The following STXBP4 variants were observed in gnomAD, a reference collection of about 807,000 sequenced individuals.
The protein encoded by STXBP4 is syntaxin binding protein 4.
STXBP4 carries 55 observed loss-of-function variants against 76.1 expected under a neutral mutation model. The ratio of observed to expected loss-of-function variants is 0.72; its 90% confidence interval spans 0.58 to 0.91. The LOEUF (loss-of-function observed/expected upper bound fraction) is 0.91. STXBP4 is among the 40% of genes least tolerant of loss of function. STXBP4 has a pLI of 0.00. For synonymous variants in STXBP4, 201 were observed against 220.2 expected, an observed-to-expected ratio of 0.91 and a Z score of 0.77; for missense variants, 618 against 636.9, an observed-to-expected ratio of 0.97 and a Z score of 0.32.
intron 13 of STXBP4, 124 bp from the exon 14 acceptor site, chr17:55,077,954 A>G (rs1382257160): frequency 6.5e-6 from 4 of 615,842 alleles, no homozygotes; most frequent in Non-Finnish European, 5.6e-6. Context: ...ATCAAAACAT[A>G]TGTACAGTAA....
chr17:55,014,934 T>C (rs1724060130), intron 8 of STXBP4, among the ~76,000 whole-genome samples: 1 of 152,042 alleles, frequency 6.6e-6, no homozygotes, highest in South Asian at 2.1e-4. Flanking sequence ...TTGTCCCGTT[T>C]GTCCCGTTCT....
At chr17:55,193,851 A>AG in the STXBP4 span, among the ~76,000 whole-genome samples, 1 of 151,194 alleles carries the variant, frequency 6.6e-6, no homozygotes, top group South Asian at 2.1e-4. Flanking sequence ...TAATTCCTAC[A>AG]GCAAGGTGTC....
intron 1 of STXBP4, among the ~76,000 whole-genome samples, chr17:54,973,568 A>T (rs530519102): frequency 6.6e-6 from 1 of 152,360 alleles, no homozygotes; most frequent in African/African-American, 2.4e-5. Flanking sequence ...CATAGATACA[A>T]TAACAATACA....
chr17:55,116,354 A>G (rs1033138757), intron 16 of STXBP4, among the ~76,000 whole-genome samples: 2 of 151,818 alleles, frequency 1.3e-5, no homozygotes, highest in African/African-American at 4.8e-5. Flanking sequence ...TCACATTCAG[A>G]AAACTACAAA....
intron 16 of STXBP4, among the ~76,000 whole-genome samples, chr17:55,123,106 A>G (rs1227080035): frequency 6.6e-6 from 1 of 152,166 alleles, no homozygotes; most frequent in African/African-American, 2.4e-5. Context: ...GTATGCTCAA[A>G]TTTTAATCTC....
chr17:55,144,005 GCA>G (rs61300425), intron 17 of STXBP4, among the ~76,000 whole-genome samples: 12,115 of 138,588 alleles, frequency 0.087, 475 homozygotes, highest in Non-Finnish European at 0.096. Flanking sequence ...AAAGCCACCT[GCA>G]CACACACACA....
At chr17:55,009,822 C>T (rs984077069) in intron 8 of STXBP4, among the ~76,000 whole-genome samples, 7 of 151,896 alleles carry the variant, frequency 4.6e-5, no homozygotes, top group African/African-American at 1.7e-4. Flanking sequence ...TCTTGAGCTA[C>T]TCTTCTTGTT....
intron 12 of STXBP4, among the ~76,000 whole-genome samples, chr17:55,070,691 GA>G (rs1437858533): frequency 6.6e-6 from 1 of 151,794 alleles, no homozygotes; most frequent in Non-Finnish European, 1.5e-5. Context: ...ATTTCTACCA[GA>G]GCCTGACTCC....
chr17:55,017,726 G>T (rs1392128340), intron 8 of STXBP4, among the ~76,000 whole-genome samples: 2 of 152,110 alleles, frequency 1.3e-5, no homozygotes, highest in African/African-American at 4.8e-5. Context: ...ACTCTAGTCG[G>T]CCCTTGGCTT....
chr17:55,092,193 C>T (rs1180614740), intron 16 of STXBP4, among the ~76,000 whole-genome samples: 1 of 152,160 alleles, frequency 6.6e-6, no homozygotes, highest in Non-Finnish European at 1.5e-5. Context: ...TAAAAGACTA[C>T]ACATTGGGTG....
rs2077877285 is a variant in STXBP4 at position 54,999,750 on chromosome 17, A to G, written c.406A>G (p.Thr136Ala). ...ASGEYGPQAS[T>A]LSLFSSPPEI... is the part of the protein sequence containing the mutation. ...AGGAGAATATGGACCTCAAGCCTCAACATTAAGTCTTTTTTCTTCTCCTCC... is the reference window on the plus strand; with the variant it reads ...AGGAGAATATGGACCTCAAGCCTCAGCATTAAGTCTTTTTTCTTCTCCTCC... The change falls in exon 6 of 18, where the codon ACA becomes GCA. Residue 136 changes from threonine to alanine, a missense_variant. Physicochemically the swap from Thr to Ala is moderately conservative, Grantham distance 58 (BLOSUM62 0). Coordinates refer to ENST00000376352, the MANE Select transcript of STXBP4 (RefSeq NM_178509.6). 6.2e-7 allele frequency: 1 copy of G among 1,613,706 alleles called. No individual in the cohort carries two copies. Among genetic ancestry groups the G allele is most frequent in the Non-Finnish European group, 8.5e-7 (1 of 1,179,770 alleles).
Position 55,135,481 on chromosome 17 carries a change from T to C in STXBP4, c.1490-5829T>C, listed in dbSNP as rs376225765. On this transcript the variant is annotated intron_variant, in intron 16 of 17. Transcript: ENST00000376352. Reference sequence around the variant, plus strand: ...TTTTTGCAAGACCAATATTAAGGAGTGTTTAAATCACAATTCAGAAAATAT... The same window carrying C: ...TTTTTGCAAGACCAATATTAAGGAGCGTTTAAATCACAATTCAGAAAATAT... Among the ~76,000 whole-genome samples the C allele has an allele frequency of 2.6e-5, 4 of 151,978 alleles. No homozygotes were observed. In the East Asian group the frequency reaches 5.8e-4, roughly 22 times the overall value.
intron 16 of STXBP4, among the ~76,000 whole-genome samples, chr17:55,091,835 A>C (rs577865321): frequency 1.3e-5 from 2 of 152,354 alleles, no homozygotes; most frequent in African/African-American, 4.8e-5. Flanking sequence ...GTTCACGCAC[A>C]GAATTGTTAC....
Position 55,041,235 on chromosome 17 carries a change from T to G in STXBP4, c.856-2001T>G, listed in dbSNP as rs532171436. On this transcript the variant is annotated intron_variant, in intron 10 of 17. Transcript: ENST00000376352. ...TCTAAAATTTTATTTAAACTTTTTT[T>G]TTTTTTTTTTTTTTGAGACATGGTC... Among the ~76,000 whole-genome samples the G allele has an allele frequency of 2.6e-3, 395 of 149,366 alleles. 7 individuals carry two copies. In the South Asian group the frequency reaches 0.045, roughly 17 times the overall value.
chr17:55,108,347 G>A (rs148989877), intron 16 of STXBP4, among the ~76,000 whole-genome samples: 3,280 of 152,248 alleles, frequency 0.022, 130 homozygotes, highest in African/African-American at 0.075. Flanking sequence ...GCTGGGCTCC[G>A]TGGGAGTGGG....
chr17:55,138,130 A>G (rs1304357116), intron 16 of STXBP4, among the ~76,000 whole-genome samples: 1 of 152,032 alleles, frequency 6.6e-6, no homozygotes, highest in Non-Finnish European at 1.5e-5. Flanking sequence ...ACTTACCTTC[A>G]TCGTGTTCCA....
chr17:55,015,188 G>GA (rs2078183193), intron 8 of STXBP4, among the ~76,000 whole-genome samples: 1 of 152,154 alleles, frequency 6.6e-6, no homozygotes, highest in Non-Finnish European at 1.5e-5. Flanking sequence ...TCCTTTCCCT[G>GA]TGTTATAGTG....
intron 8 of STXBP4, among the ~76,000 whole-genome samples, chr17:55,016,798 GC>G (rs1179000482): frequency 2.0e-5 from 3 of 152,206 alleles, no homozygotes; most frequent in African/African-American, 7.2e-5. Context: ...TAACAGAATA[GC>G]CCCATACTTT....
chr17:55,023,027 A>G (rs963072556), intron 8 of STXBP4, among the ~76,000 whole-genome samples: 1 of 152,198 alleles, frequency 6.6e-6, no homozygotes, highest in Non-Finnish European at 1.5e-5. Flanking sequence ...TATCTGGAAA[A>G]TGATTTTTGC....
Sources: gnomAD v4.1 joint callset for allele counts (sites outside exome capture counted in the v4.1 genomes callset) on GRCh38, gnomAD v4.1.1 for gene constraint, MANE v1.5 for transcripts, NCBI Gene and HGNC (gene_info 2026-07-23, HGNC 2026-07-21) for gene names.